PHC2: variants seen among roughly 807,000 people sequenced by gnomAD.
PHC2 encodes the protein polyhomeotic-like protein 2.
A neutral mutation model predicts 87.4 loss-of-function variants in PHC2; 29 were observed. The ratio of observed to expected loss-of-function variants is 0.33; its 90% CI spans 0.25 to 0.45. The LOEUF (loss-of-function observed/expected upper bound fraction) is 0.45, where lower values mean the gene tolerates loss of function less well. Ranked by LOEUF, PHC2 falls within the 20% of genes least tolerant of loss-of-function variation. The probability of loss-of-function intolerance (pLI) is 1.00; values close to 1 mark genes in which losing one functional copy is unlikely to be tolerated. For synonymous variants in PHC2, 438 were observed against 461.7 expected (o/e 0.95, Z 0.66); for missense variants, 857 against 1,136.7 (o/e 0.75, Z 3.54).
chr1:33,393,446 T>A (rs980700433), intron 1 of PHC2, among the ~76,000 whole-genome samples: 2 of 147,012 alleles, frequency 1.4e-5, no homozygotes, highest in Non-Finnish European at 3.0e-5. Context: ...ACATCACTTA[T>A]AAGACCTTTT....
intron 1 of PHC2, among the ~76,000 whole-genome samples, chr1:33,393,463 G>GTTTTTTTTTTT (rs36030279): frequency 1.5e-5 from 2 of 131,046 alleles, no homozygotes; most frequent in African/African-American, 2.9e-5. Flanking sequence ...TTTTCAAGAG[G>GTTTTTTTTTTT]TTTTTTTTTT....
At chr1:33,408,755 G>A (rs1205368578) in intron 1 of PHC2, among the ~76,000 whole-genome samples, 5 of 152,072 alleles carry the variant, frequency 3.3e-5, no homozygotes, top group East Asian at 1.9e-4. Flanking sequence ...ATGAGCCACC[G>A]CGCCTGGCCT....
chr1:33,398,518 T>C (rs537761881), intron 1 of PHC2, among the ~76,000 whole-genome samples: 1 of 152,344 alleles, frequency 6.6e-6, no homozygotes, highest in East Asian at 1.9e-4. Context: ...GATTTTTATT[T>C]TCTCATTTAT....
At chr1:33,429,553 G>T (rs902228918) in intron 1 of PHC2, among the ~76,000 whole-genome samples, 1 of 152,230 alleles carries the variant, frequency 6.6e-6, no homozygotes, top group Non-Finnish European at 1.5e-5. Context: ...GGTCCTCTCA[G>T]ACAGCTAATT....
In PHC2 at chr1:33,367,089, A is replaced by G. The variant is rs761626849; in HGVS notation, c.976+27T>C. The G allele has an allele frequency of 5.7e-6, 9 of 1,565,844 alleles. No homozygotes were observed. In the South Asian group the frequency reaches 1.0e-4, roughly 18 times the overall value. On this transcript the variant is annotated intron_variant, in intron 7 of 14. Transcript: ENST00000683057. ...CTCACGGCCCTGAGTTTTCTGGGAAAGGATTCCTGCTTCCTGAAGACCTTA... is the reference window on the plus strand; with the variant it reads ...CTCACGGCCCTGAGTTTTCTGGGAAGGGATTCCTGCTTCCTGAAGACCTTA...
chr1:33,411,941 A>G (rs1002722151), intron 1 of PHC2, among the ~76,000 whole-genome samples: 12 of 152,214 alleles, frequency 7.9e-5, no homozygotes, highest in Non-Finnish European at 1.6e-4. Context: ...AAACCAGGAT[A>G]GAAGAAAACT....
chr1:33,365,393 T>TG (rs1308613677), intron 7 of PHC2, among the ~76,000 whole-genome samples: 6 of 152,152 alleles, frequency 3.9e-5, no homozygotes, highest in African/African-American at 1.2e-4. Context: ...TGTTAGAACT[T>TG]GGGGGGCTGG....
At chr1:33,420,786 T>A (rs1557849746) in intron 1 of PHC2, among the ~76,000 whole-genome samples, 1 of 152,070 alleles carries the variant, frequency 6.6e-6, no homozygotes, top group Non-Finnish European at 1.5e-5. Context: ...ATTTTTAAAT[T>A]TTTTTGTAGA....
chr1:33,365,290 G>A (rs1465416915), intron 7 of PHC2, among the ~76,000 whole-genome samples: 1 of 152,214 alleles, frequency 6.6e-6, no homozygotes, highest in Non-Finnish European at 1.5e-5. Context: ...GACGTCCTGT[G>A]AGTGCTGGTC....
intron 9 of PHC2, among the ~76,000 whole-genome samples, chr1:33,335,829 G>A (rs1432065313): frequency 6.6e-6 from 1 of 151,838 alleles, no homozygotes; most frequent in Non-Finnish European, 1.5e-5. Context: ...GAACCCAGGG[G>A]GTGGAGGCTG....
chr1:33,326,815 G>C (rs1395744361), intron 14 of PHC2, among the ~76,000 whole-genome samples: 1 of 152,166 alleles, frequency 6.6e-6, no homozygotes, highest in Non-Finnish European at 1.5e-5. Context: ...AGCTGTGTGT[G>C]GTGGCGAATG....
intron 1 of PHC2, among the ~76,000 whole-genome samples, chr1:33,400,208 C>A (rs1649466188): frequency 1.3e-5 from 2 of 152,140 alleles, no homozygotes; most frequent in Non-Finnish European, 2.9e-5. Flanking sequence ...TTTGGAATAT[C>A]TGTTTTAGAG....
At chr1:33,346,226 T>C in intron 9 of PHC2, 3 of 99,166 alleles carry the variant, frequency 3.0e-5, no homozygotes, top group Non-Finnish European at 3.8e-5. Flanking sequence ...GGCTGGGGAC[T>C]GGGGGGAGGT....
chr1:33,356,595 G>C (rs1647091683), intron 7 of PHC2, among the ~76,000 whole-genome samples: 1 of 152,032 alleles, frequency 6.6e-6, no homozygotes, highest in Admixed American at 6.6e-5. Context: ...GTTTCAGAGA[G>C]CACGGGGTTG....
rs1647802868 is a variant in PHC2, at chr1:33,371,105, A to G, written c.334-11T>C. 1.2e-6 allele frequency: 2 copies of G among 1,611,886 alleles called. No individual in the cohort carries two copies. Among genetic ancestry groups the G allele is most frequent in the East Asian group, 2.2e-5 (1 of 44,878 alleles). On this transcript the variant is annotated splice_polypyrimidine_tract_variant and intron_variant, in intron 3 of 14. Transcript: ENST00000683057. ...GGATACCAGGCTTGCCTAGGAAAGA[A>G]CAAACTCCTCTTGCTAGAGTCCCAG...
intron 9 of PHC2, chr1:33,335,173 C>G: frequency 1.0e-6 from 1 of 985,236 alleles, no homozygotes; most frequent in Non-Finnish European, 1.2e-6. Flanking sequence ...TGCCTATACA[C>G]AACCACACGA....
intron 1 of PHC2, among the ~76,000 whole-genome samples, chr1:33,400,873 C>A (rs1649494071): frequency 6.6e-6 from 1 of 152,024 alleles, no homozygotes; most frequent in African/African-American, 2.4e-5. Flanking sequence ...AGATAGCTGC[C>A]CTTTGTGTTA....
At position 33,354,489 on chromosome 1, in the gene PHC2, T is replaced by A; in HGVS notation, c.1470A>T (p.Pro490=). The change falls in exon 9 of 15, where the codon CCA becomes CCT. Residue 490 remains proline, a synonymous_variant. Transcript: ENST00000683057. ...EKSVPETRSG[P]SPHQQAIVTA... ...TGACAATAGCCTGCTGATGTGGTGA[T>A]GGGCCAGACCGCGTCTCAGGCACAC... The A allele has an allele frequency of 6.2e-7, 1 of 1,614,164 alleles. No homozygotes were observed. The highest frequency in any genetic ancestry group is 8.5e-7 in the Non-Finnish European group (1 of 1,180,020).
intron 1 of PHC2, among the ~76,000 whole-genome samples, chr1:33,408,895 C>T (rs1649874362): frequency 6.6e-6 from 1 of 152,194 alleles, no homozygotes. Context: ...GAACCAGACT[C>T]TCAGGAATTC....
Sources: gnomAD v4.1 joint callset for allele counts (sites outside exome capture counted in the v4.1 genomes callset) on GRCh38, gnomAD v4.1.1 for gene constraint, MANE v1.5 for transcripts, NCBI Gene and HGNC (gene_info 2026-07-23, HGNC 2026-07-21) for gene names.